CDK5RAP2: variants seen among roughly 807,000 people sequenced by gnomAD.
CDK5RAP2 encodes CDK5 regulatory subunit-associated protein 2.
In CDK5RAP2, 147 loss-of-function variants were observed where a neutral mutation model predicts 232.9. That is an observed-to-expected ratio of 0.63 (90% CI 0.55 to 0.72). The LOEUF is 0.72. Among genes scored for constraint, CDK5RAP2 ranks in the 30% least tolerant of loss-of-function variants. The probability of loss-of-function intolerance (pLI) is 0.00; values close to 1 mark genes in which losing one functional copy is unlikely to be tolerated. For missense variants in CDK5RAP2, 2,195 were observed against 2,231.5 expected (o/e 0.98, Z 0.33); for synonymous variants, 833 against 833.7 (o/e 1.00, Z 0.01).
chr9:120,450,283 A>G (rs1467531142), intron 21 of CDK5RAP2, among the ~76,000 whole-genome samples: 1 of 152,242 alleles, frequency 6.6e-6, no homozygotes, highest in Non-Finnish European at 1.5e-5. Context: ...GATTCCATTT[A>G]TATGAAATAA....
At chr9:120,533,666 C>T (rs1305607395) in intron 7 of CDK5RAP2, among the ~76,000 whole-genome samples, 3 of 151,782 alleles carry the variant, frequency 2.0e-5, no homozygotes, top group Admixed American at 6.6e-5. Flanking sequence ...TTTTTGGTGG[C>T]GGGCAACTGT....
intron 26 of CDK5RAP2, among the ~76,000 whole-genome samples, chr9:120,420,837 AGTGCAGCATGG>A (rs2034524302): frequency 6.6e-6 from 1 of 152,250 alleles, no homozygotes; most frequent in African/African-American, 2.4e-5. Context: ...GGCTTGCAGA[AGTGCAGCATGG>A]GCCAAGGGCA....
intron 23 of CDK5RAP2, chr9:120,440,266 A>C: frequency 1.7e-5 from 7 of 421,694 alleles, no homozygotes; most frequent in East Asian, 4.7e-5. Context: ...ACCCCCTAAA[A>C]TTCATCGACA....
chr9:120,455,370 TAAA>T (rs77949035), intron 20 of CDK5RAP2, among the ~76,000 whole-genome samples: 4,348 of 94,122 alleles, frequency 0.046, 82 homozygotes, highest in Middle Eastern at 0.065. Flanking sequence ...TACAACACGT[TAAA>T]AAAAAAAAAA....
chr9:120,470,765 C>T (rs1241307422), intron 16 of CDK5RAP2, among the ~76,000 whole-genome samples: 2 of 143,500 alleles, frequency 1.4e-5, no homozygotes, highest in Non-Finnish European at 3.0e-5. Flanking sequence ...GATCTGTTTC[C>T]TTTGCAGCAA....
intron 25 of CDK5RAP2, among the ~76,000 whole-genome samples, chr9:120,424,775 C>G (rs2034785176): frequency 3.3e-5 from 5 of 150,420 alleles, no homozygotes; most frequent in Admixed American, 2.0e-4. Context: ...TCTCGACTTA[C>G]TGCAACCTCT....
chr9:120,411,210 C>T (rs1192164789), intron 29 of CDK5RAP2, 148 bp downstream of exon 29: 4 of 700,114 alleles, frequency 5.7e-6, no homozygotes, highest in Non-Finnish European at 1.0e-5. Context: ...AAACACCTCA[C>T]AGGGCTGCTG....
chr9:120,528,466 T>G (rs775263891), intron 9 of CDK5RAP2, among the ~76,000 whole-genome samples: 25 of 152,202 alleles, frequency 1.6e-4, no homozygotes, highest in Non-Finnish European at 3.5e-4. Flanking sequence ...CAGGTCCAAA[T>G]CTTTGCTCTA....
chr9:120,511,504 G>T (rs534008601), intron 12 of CDK5RAP2, among the ~76,000 whole-genome samples: 65 of 152,282 alleles, frequency 4.3e-4, no homozygotes, highest in African/African-American at 1.5e-3. Flanking sequence ...GTTGAATGGG[G>T]TATTGTTGAA....
In CDK5RAP2 at chr9:120,545,771, T is replaced by A; in HGVS notation, c.326A>T (p.Glu109Val). The A allele has an allele frequency of 6.2e-7, 1 of 1,613,628 alleles. No individual in the cohort carries two copies. Among genetic ancestry groups the A allele is most frequent in the Non-Finnish European group, 8.5e-7 (1 of 1,179,680 alleles). ...IYKTNIELKV[E>V]VESLKRELQE... ...GAGTTCCCGCTTCAGACTTTCTACT[T>A]CCACCTTGAGCTCAATGTTCTACAA... The change falls in exon 5 of 38, where the codon GAA (glutamate) becomes GTA (valine). Residue 109 changes from glutamate to valine, a missense_variant. Physicochemically the swap from Glu to Val is moderately radical, Grantham distance 121. Transcript: ENST00000349780.
At chr9:120,463,493 G>A (rs1157731350) in intron 18 of CDK5RAP2, among the ~76,000 whole-genome samples, 10 of 152,276 alleles carry the variant, frequency 6.6e-5, no homozygotes, top group Middle Eastern at 3.4e-3. Flanking sequence ...TCTGCAATGT[G>A]GCTTTACTGC....
intron 36 of CDK5RAP2, among the ~76,000 whole-genome samples, chr9:120,393,625 C>A (rs959393663): frequency 6.6e-6 from 1 of 152,210 alleles, no homozygotes. Flanking sequence ...CCAACAGGCA[C>A]TAATGGAAAC....
intron 1 of CDK5RAP2, among the ~76,000 whole-genome samples, chr9:120,573,258 A>T (rs2042917074): frequency 6.6e-6 from 1 of 152,190 alleles, no homozygotes; most frequent in Non-Finnish European, 1.5e-5. Context: ...TCACAAAAAA[A>T]TGTGTCCGGG....
At chr9:120,397,544 TAAAAAAAAAAAAAAAAAAA>T (rs760469422) in intron 35 of CDK5RAP2, among the ~76,000 whole-genome samples, 1 of 49,196 alleles carries the variant, frequency 2.0e-5, no homozygotes, top group Non-Finnish European at 3.7e-5. Context: ...AAAACATTCT[TAAAAAAAAAAAAAAAAAAA>T]AAGAAAAAAG....
intron 4 of CDK5RAP2, among the ~76,000 whole-genome samples, chr9:120,548,063 T>C (rs191215038): frequency 1.6e-4 from 24 of 152,260 alleles, no homozygotes; most frequent in Admixed American, 7.8e-4. Context: ...AGCTAGCAAA[T>C]GAGAAAAGCC....
At chr9:120,442,336 G>A (rs1031434109) in intron 23 of CDK5RAP2, among the ~76,000 whole-genome samples, 1 of 152,204 alleles carries the variant, frequency 6.6e-6, no homozygotes, top group African/African-American at 2.4e-5. Flanking sequence ...AAGAGAGAGA[G>A]AGTTCTTAAC....
intron 31 of CDK5RAP2, 160 bp downstream of exon 31, chr9:120,408,184 CAGA>C (rs989082207): frequency 1.2e-6 from 1 of 832,674 alleles, no homozygotes; most frequent in African/African-American, 1.7e-5. Context: ...GCTGTTCCTT[CAGA>C]AGAAGAGTGG....
At chr9:120,441,639 T>C (rs2035904520) in intron 23 of CDK5RAP2, among the ~76,000 whole-genome samples, 1 of 152,220 alleles carries the variant, frequency 6.6e-6, no homozygotes, top group Admixed American at 6.5e-5. Flanking sequence ...CAAATCCTCA[T>C]CAGACTGCAT....
At chr9:120,445,803 A>G (rs1332935670) in intron 22 of CDK5RAP2, among the ~76,000 whole-genome samples, 1 of 152,162 alleles carries the variant, frequency 6.6e-6, no homozygotes, top group Non-Finnish European at 1.5e-5. Flanking sequence ...AAATATTGCT[A>G]TTTCCTAACT....
Sources: allele counts gnomAD v4.1 joint callset (sites outside exome capture counted in the v4.1 genomes callset), GRCh38; gene constraint gnomAD v4.1.1; transcripts MANE v1.5; gene names NCBI Gene and HGNC (gene_info 2026-07-23, HGNC 2026-07-21).